Variants in CNTN5 observed in about 807,000 individuals in gnomAD.
The protein encoded by CNTN5 is contactin 5, also known as contactin-5.
In CNTN5, 77 loss-of-function variants were observed where a neutral mutation model predicts 129.1. The observed-to-expected ratio is 0.60, with a 90% CI of 0.50 to 0.72. The LOEUF (loss-of-function observed/expected upper bound fraction) is 0.72, where lower values mean the gene tolerates loss of function less well. Ranked by LOEUF, CNTN5 falls within the 30% of genes least tolerant of loss-of-function variation. The probability of loss-of-function intolerance (pLI) is 0.00; values close to 1 mark genes in which losing one functional copy is unlikely to be tolerated. For missense variants in CNTN5, 1,478 were observed against 1,328.8 expected (o/e 1.11, Z -1.75); for synonymous variants, 509 against 465.6 (o/e 1.09, Z -1.20).
chr11:99,339,148 A>C (rs1023679610), intron 2 of CNTN5, among the ~76,000 whole-genome samples: 4 of 151,628 alleles, frequency 2.6e-5, no homozygotes, highest in Non-Finnish European at 4.4e-5. Context: ...GTACTCCATA[A>C]ATGTATACAC....
chr11:100,207,386 C>T (rs771038750), intron 15 of CNTN5, among the ~76,000 whole-genome samples: 16 of 152,056 alleles, frequency 1.1e-4, no homozygotes, highest in Non-Finnish European at 1.9e-4. Context: ...AAAATCAACT[C>T]TTTTTCTTTA....
At chr11:99,713,105 T>A (rs1167572734) in intron 3 of CNTN5, among the ~76,000 whole-genome samples, 1 of 152,156 alleles carries the variant, frequency 6.6e-6, no homozygotes, top group East Asian at 1.9e-4. Context: ...ATTACTTTTA[T>A]CCTATCCATG....
At chr11:99,157,587 T>TA (rs1860396682) in intron 1 of CNTN5, among the ~76,000 whole-genome samples, 1 of 152,216 alleles carries the variant, frequency 6.6e-6, no homozygotes, top group East Asian at 1.9e-4. Context: ...AATGTTTTGG[T>TA]AAAAATATAC....
At chr11:99,428,842 G>A (rs1454962713) in intron 2 of CNTN5, among the ~76,000 whole-genome samples, 1 of 151,964 alleles carries the variant, frequency 6.6e-6, no homozygotes, top group African/African-American at 2.4e-5. Context: ...GCCTGTGAAT[G>A]TCTAGTTGTT....
chr11:100,167,287 C>T (rs1947670171), intron 13 of CNTN5, among the ~76,000 whole-genome samples: 1 of 151,722 alleles, frequency 6.6e-6, no homozygotes, highest in Non-Finnish European at 1.5e-5. Context: ...GTGTAAGAGA[C>T]CGTAGCTTCT....
At chr11:99,179,246 A>G (rs1302409839) in intron 1 of CNTN5, among the ~76,000 whole-genome samples, 1 of 152,136 alleles carries the variant, frequency 6.6e-6, no homozygotes, top group Non-Finnish European at 1.5e-5. Flanking sequence ...CTTTCAGACC[A>G]GCCTGGCCAA....
At chr11:99,036,243 A>G (rs1371476890) in intron 1 of CNTN5, among the ~76,000 whole-genome samples, 2 of 152,112 alleles carry the variant, frequency 1.3e-5, no homozygotes, top group African/African-American at 4.8e-5. Flanking sequence ...GTTCTCATTT[A>G]TAATTCTTAT....
intron 1 of CNTN5, among the ~76,000 whole-genome samples, chr11:99,022,040 T>C (rs10736506): frequency 0.82 from 124,359 of 152,138 alleles, 51,412 homozygotes; most frequent in East Asian, 0.95. Context: ...ATCTTAGAAC[T>C]GTTCTCCCAA....
chr11:99,475,004 T>C (rs891340936), intron 2 of CNTN5, among the ~76,000 whole-genome samples: 2 of 152,010 alleles, frequency 1.3e-5, no homozygotes, highest in African/African-American at 2.4e-5. Flanking sequence ...AAGAAGTGAC[T>C]AGACCATGTA....
At chr11:99,853,020 C>G (rs10894012) in intron 6 of CNTN5, among the ~76,000 whole-genome samples, 24,204 of 151,992 alleles carry the variant, frequency 0.16, 2,051 homozygotes, top group Non-Finnish European at 0.17. Context: ...TTATGATCTT[C>G]TTGAGTATAA....
In CNTN5 at chr11:99,814,002, G is replaced by A. The variant is rs535453647; in HGVS notation, c.56-5542G>A. 1.3e-4 allele frequency among the ~76,000 whole-genome samples: 20 copies of A among 152,132 alleles called. No individual in the cohort carries two copies. In the South Asian group the frequency reaches 4.2e-3, roughly 32 times the overall value. On this transcript the variant is annotated intron_variant, in intron 3 of 24. Transcript: ENST00000524871. The stretch of plus-strand genomic sequence containing the variant: ...AGGAGTCTTGTTGTAATAAAAATTA[G>A]GTGAGAGAAATGATAAGGTCATGAT...
At chr11:99,380,663 T>C (rs1234984326) in intron 2 of CNTN5, among the ~76,000 whole-genome samples, 2 of 147,350 alleles carry the variant, frequency 1.4e-5, no homozygotes, top group African/African-American at 5.1e-5. Flanking sequence ...CAGCTACTCA[T>C]GAGGCAAGGC....
intron 1 of CNTN5, among the ~76,000 whole-genome samples, chr11:99,191,335 T>C (rs1858631990): frequency 6.6e-6 from 1 of 151,800 alleles, no homozygotes; most frequent in Admixed American, 6.6e-5. Flanking sequence ...ATCAGGGTAA[T>C]GATGACCTGG....
intron 2 of CNTN5, among the ~76,000 whole-genome samples, chr11:99,329,472 A>G (rs943615853): frequency 1.3e-5 from 2 of 152,180 alleles, no homozygotes; most frequent in African/African-American, 4.8e-5. Context: ...CTCTGCTCAC[A>G]AACAAGAAAT....
intron 1 of CNTN5, among the ~76,000 whole-genome samples, chr11:99,235,320 C>A (rs1478607813): frequency 6.6e-6 from 1 of 152,008 alleles, no homozygotes; most frequent in East Asian, 1.9e-4. Context: ...AGCAATCACA[C>A]TTAAAGCTAA....
At chr11:99,700,374 G>T (rs747823177) in intron 3 of CNTN5, among the ~76,000 whole-genome samples, 8 of 151,300 alleles carry the variant, frequency 5.3e-5, no homozygotes, top group African/African-American at 1.7e-4. Flanking sequence ...AATATAAAAC[G>T]CATTTAGGGC....
Position 100,071,522 on chromosome 11 carries a change from C to G in CNTN5, c.1300-183C>G, listed in dbSNP as rs544134771. Among the ~76,000 whole-genome samples the G allele has an allele frequency of 9.9e-5, 15 of 152,162 alleles. 1 individual carries two copies. The highest frequency in any genetic ancestry group is 3.6e-4 in the African/African-American group (15 of 41,542). ...AATTTCTTTTTCAACCAATAAATAA[C>G]TATAATTTACAAGTGGCATGTTATA... is the stretch of plus-strand genomic sequence containing the variant. On this transcript the variant is annotated intron_variant, in intron 11 of 24. Transcript: ENST00000524871.
intron 1 of CNTN5, among the ~76,000 whole-genome samples, chr11:99,226,949 A>T (rs1276627340): frequency 6.6e-6 from 1 of 152,238 alleles, no homozygotes; most frequent in Non-Finnish European, 1.5e-5. Context: ...CTACGTATAA[A>T]TCCCATAAGG....
At chr11:99,053,332 A>G (rs184647220) in intron 1 of CNTN5, among the ~76,000 whole-genome samples, 1 of 152,112 alleles carries the variant, frequency 6.6e-6, no homozygotes, top group East Asian at 1.9e-4. Flanking sequence ...AGAAAAAAAT[A>G]ACAACTAAAC....
Sources: gnomAD v4.1 joint callset for allele counts (sites outside exome capture counted in the v4.1 genomes callset) on GRCh38, gnomAD v4.1.1 for gene constraint, MANE v1.5 for transcripts, NCBI Gene and HGNC (gene_info 2026-07-23, HGNC 2026-07-21) for gene names.